The following SOX5 variants were observed in gnomAD, a reference collection of about 807,000 sequenced individuals.
The protein encoded by SOX5 is SRY-box transcription factor 5.
Under a neutral mutation model 92.0 loss-of-function variants are expected in SOX5, and 9 were observed. That is an observed-to-expected ratio of 0.10 (90% CI 0.06 to 0.17). The LOEUF is 0.17. SOX5 is among the 10% of genes least tolerant of loss of function. The pLI, the probability that SOX5 is intolerant of heterozygous loss-of-function variation, is 1.00. For missense variants in SOX5, 642 were observed against 944.5 expected (o/e 0.68, Z 4.20); for synonymous variants, 344 against 336.3 (o/e 1.02, Z -0.25).
intron 6 of SOX5, among the ~76,000 whole-genome samples, chr12:23,718,990 C>A (rs1435605850): frequency 5.9e-5 from 9 of 152,040 alleles, no homozygotes; most frequent in Admixed American, 5.9e-4. Flanking sequence ...CATCAGAAGC[C>A]ATTAAAAATC....
intron 4 of SOX5, among the ~76,000 whole-genome samples, chr12:24,083,493 A>G (rs1230778929): frequency 6.6e-6 from 1 of 152,100 alleles, no homozygotes; most frequent in Non-Finnish European, 1.5e-5. Context: ...CTGGGAAAAC[A>G]TACAATTAAA....
At chr12:23,824,294 G>T (rs1236888931) in intron 3 of SOX5, among the ~76,000 whole-genome samples, 1 of 152,168 alleles carries the variant, frequency 6.6e-6, no homozygotes, top group Non-Finnish European at 1.5e-5. Flanking sequence ...TCTTCAGATG[G>T]AGTTTTTGCA....
intron 1 of SOX5, among the ~76,000 whole-genome samples, chr12:24,520,357 A>C (rs1209636216): frequency 6.6e-6 from 1 of 152,128 alleles, no homozygotes; most frequent in Non-Finnish European, 1.5e-5. Flanking sequence ...AGGAGGAGAG[A>C]GTGAAAGTAT....
At chr12:23,976,406 CA>C (rs869250917) in intron 4 of SOX5, among the ~76,000 whole-genome samples, 719 of 37,952 alleles carry the variant, frequency 0.019, 3 homozygotes, top group African/African-American at 0.036. Flanking sequence ...AACAAAAAAA[CA>C]AAAAAAAAAA....
intron 1 of SOX5, among the ~76,000 whole-genome samples, chr12:24,504,649 A>G (rs1051935888): frequency 5.3e-5 from 8 of 152,224 alleles, no homozygotes; most frequent in African/African-American, 1.9e-4. Context: ...ATATAAATAA[A>G]TTGTATAGAT....
chr12:23,656,488 A>C (rs755975205), intron 7 of SOX5, among the ~76,000 whole-genome samples: 1 of 152,134 alleles, frequency 6.6e-6, no homozygotes, highest in African/African-American at 2.4e-5. Context: ...TAAATGCAGT[A>C]GAAATACCTA....
chr12:23,912,911 T>C (rs2097367351), intron 1 of SOX5, among the ~76,000 whole-genome samples: 1 of 152,200 alleles, frequency 6.6e-6, no homozygotes, highest in Admixed American at 6.5e-5. Flanking sequence ...ATTCTAAAAT[T>C]AGATTGTGGT....
rs571361320 is a variant in SOX5, at chr12:24,411,138, C to T, written c.-250-42499G>A. Among the ~76,000 whole-genome samples, 7 of 151,212 alleles carry T rather than the reference C, an allele frequency of 4.6e-5. No homozygotes were observed. In the South Asian group the frequency reaches 8.4e-4, roughly 18 times the overall value. On this transcript the variant is annotated intron_variant, in intron 1 of 4. Coordinates refer to the SOX5 transcript ENST00000446891. ...AATATATACAAATATAACTGACTTT[C>T]GTATGTTTATATCTTGCTACCTTGC...
At chr12:24,514,852 T>G (rs760463973) in intron 1 of SOX5, among the ~76,000 whole-genome samples, 4 of 151,944 alleles carry the variant, frequency 2.6e-5, no homozygotes, top group Non-Finnish European at 4.4e-5. Context: ...AGCTAAATGA[T>G]GAGAACACGT....
At chr12:23,575,879 C>T (rs1565959009) in intron 9 of SOX5, 41 bp from the exon 10 acceptor site, 2 of 1,479,434 alleles carry the variant, frequency 1.4e-6, no homozygotes, top group East Asian at 2.4e-5. Context: ...TAAGGAAAGG[C>T]TGATAAAAAA....
At chr12:23,562,294 C>A (rs1000771194) in intron 11 of SOX5, among the ~76,000 whole-genome samples, 1 of 152,086 alleles carries the variant, frequency 6.6e-6, no homozygotes, top group Non-Finnish European at 1.5e-5. Flanking sequence ...GCAGTTGTGG[C>A]AGGATCACCC....
At chr12:23,833,843 A>G (rs898938273) in intron 3 of SOX5, among the ~76,000 whole-genome samples, 1 of 151,824 alleles carries the variant, frequency 6.6e-6, no homozygotes, top group Non-Finnish European at 1.5e-5. Flanking sequence ...TATATTTAAA[A>G]AGAGAAAGGC....
chr12:23,620,922 A>T (rs1452995103), intron 8 of SOX5, among the ~76,000 whole-genome samples: 2 of 152,158 alleles, frequency 1.3e-5, no homozygotes, highest in Non-Finnish European at 2.9e-5. Flanking sequence ...AGAAAATGTC[A>T]GTAAATAATT....
chr12:24,400,301 T>A (rs1272950470), intron 1 of SOX5, among the ~76,000 whole-genome samples: 1 of 152,252 alleles, frequency 6.6e-6, no homozygotes, highest in African/African-American at 2.4e-5. Flanking sequence ...TTTTGTTTCT[T>A]TTCTTCCTTC....
intron 4 of SOX5, among the ~76,000 whole-genome samples, chr12:23,750,733 T>C (rs1172937434): frequency 6.6e-6 from 1 of 151,912 alleles, no homozygotes; most frequent in Non-Finnish European, 1.5e-5. Context: ...AAGAGTTTAG[T>C]ATTTGATTAA....
intron 1 of SOX5, among the ~76,000 whole-genome samples, chr12:24,373,229 GA>G (rs1478940119): frequency 2.0e-5 from 3 of 152,074 alleles, no homozygotes. Context: ...AGTTTTTCTA[GA>G]ATATGTTTAG....
At chr12:24,157,849 T>C (rs780692433) in intron 4 of SOX5, among the ~76,000 whole-genome samples, 135 of 152,246 alleles carry the variant, frequency 8.9e-4, no homozygotes, top group Non-Finnish European at 1.5e-3. Context: ...CATGGGCTTC[T>C]GCCTCCATGA....
At chr12:24,558,110 G>A (rs1953984787) in intron 1 of SOX5, among the ~76,000 whole-genome samples, 1 of 152,052 alleles carries the variant, frequency 6.6e-6, no homozygotes, top group Admixed American at 6.6e-5. Flanking sequence ...GGAATTAGAC[G>A]ATCATAATAA....
intron 3 of SOX5, among the ~76,000 whole-genome samples, chr12:24,213,576 A>T (rs1958894526): frequency 6.8e-6 from 1 of 146,172 alleles, no homozygotes; most frequent in Non-Finnish European, 1.5e-5. Context: ...TGTTGGAAAA[A>T]ATATTAAGTA....
Sources: gnomAD v4.1 joint callset for allele counts (sites outside exome capture counted in the v4.1 genomes callset) on GRCh38, gnomAD v4.1.1 for gene constraint, MANE v1.5 for transcripts, NCBI Gene and HGNC (gene_info 2026-07-23, HGNC 2026-07-21) for gene names.